The following GALNT9 variants were observed in gnomAD, a reference collection of about 807,000 sequenced individuals.
GALNT9 encodes the protein GalNAc transferase 9.
Under a neutral mutation model 63.1 loss-of-function variants are expected in GALNT9, and 47 were observed. That is an observed-to-expected ratio of 0.75 (90% CI 0.59 to 0.95). The LOEUF is 0.95. Ranked by LOEUF, GALNT9 falls within the 40% of genes least tolerant of loss-of-function variation. GALNT9 has a pLI of 0.00. For missense variants in GALNT9, 829 were observed against 874.8 expected (o/e 0.95, Z 0.66); for synonymous variants, 396 against 365.7 (o/e 1.08, Z -0.94).
chr12:132,307,656 A>G (rs567043247), intron 1 of GALNT9, among the ~76,000 whole-genome samples: 1 of 138,446 alleles, frequency 7.2e-6, no homozygotes, highest in South Asian at 2.5e-4. Flanking sequence ...ACATGATGAA[A>G]CCTCATCTCT....
intron 9 of GALNT9, 133 bp from the exon 10 acceptor site, chr12:132,198,092 G>A (rs1335433911): frequency 1.4e-6 from 1 of 728,850 alleles, no homozygotes; most frequent in African/African-American, 1.8e-5. Flanking sequence ...CCCACCCCGG[G>A]GACGCTGTTG....
rs531093591 is a variant in GALNT9, at chr12:132,295,947, C to T, written c.239-9517G>A. On this transcript the variant is annotated intron_variant, in intron 1 of 10. Coordinates refer to ENST00000328957, the MANE Select transcript of GALNT9 (RefSeq NM_001122636.2). ...ACGGCCTCCGAACAGGGACGGCCTC[C>T]GAACAGGGACGGCCTCCGGAACAGG... is the stretch of plus-strand genomic sequence containing the variant. Among the ~76,000 whole-genome samples, 50 of 125,202 alleles carry T rather than the reference C, an allele frequency of 4.0e-4. 1 individual carries two copies. In the South Asian group the frequency reaches 8.6e-3, roughly 21 times the overall value. 82.1% of individuals were successfully genotyped at this position (125,202 alleles called of 152,430 possible). A position where few individuals can be genotyped will look rare whatever the true frequency, so the allele number is the denominator to read the frequency against.
chr12:132,219,820 C>G (rs112345411), intron 6 of GALNT9, among the ~76,000 whole-genome samples: 1 of 137,806 alleles, frequency 7.3e-6, no homozygotes, highest in Non-Finnish European at 1.6e-5. Flanking sequence ...GACACCCGCC[C>G]GGGTAAGGGG....
rs868986526 is a variant in GALNT9 at position 132,327,076 on chromosome 12, G to T, written c.238+1890C>A. On this transcript the variant is annotated intron_variant, in intron 1 of 10. Transcript: ENST00000328957. The surrounding 1 kb of genome is among the most constrained non-coding windows in gnomAD (Gnocchi z 4.3). ...CTCATCACAGAGGGGGACGAAACTCGGCCTCATCAAAAGGTTGAGGGCAAA... is the reference window on the plus strand; with the variant it reads ...CTCATCACAGAGGGGGACGAAACTCTGCCTCATCAAAAGGTTGAGGGCAAA... Among the ~76,000 whole-genome samples the T allele has an allele frequency of 2.0e-5, 3 of 152,238 alleles. No homozygotes were observed. The highest frequency in any genetic ancestry group is 7.2e-5 in the African/African-American group (3 of 41,546).
At chr12:132,219,441 T>G (rs916555372) in intron 6 of GALNT9, among the ~76,000 whole-genome samples, 1 of 152,056 alleles carries the variant, frequency 6.6e-6, no homozygotes, top group Non-Finnish European at 1.5e-5. Context: ...ATGGAAGCCA[T>G]GAGGCTCTGG....
intron 1 of GALNT9, among the ~76,000 whole-genome samples, chr12:132,326,745 T>C (rs1383607755): frequency 6.6e-6 from 1 of 152,194 alleles, no homozygotes; most frequent in Admixed American, 6.5e-5. Context: ...GGAATCAATT[T>C]TGCATCCTGG....
rs191066329 is a variant in GALNT9 at position 132,243,340 on chromosome 12, G to T, written c.1077+4570C>A. On this transcript the variant is annotated intron_variant, in intron 6 of 10. Coordinates refer to ENST00000328957, the MANE Select transcript of GALNT9 (RefSeq NM_001122636.2). ...CACACACCACACACCCTTCCCGGGG[G>T]GCCATCAGGGCCCCCAGTGGCCTCA... Among the ~76,000 whole-genome samples, 683 of 89,730 alleles carry T rather than the reference G, an allele frequency of 7.6e-3. 76 individuals are homozygous for T. Among genetic ancestry groups the T allele is most frequent in the Middle Eastern group, 0.023 (3 of 128 alleles). The allele number at this position is 89,730 out of a possible 152,430, so 58.9% of individuals were successfully genotyped here. A position where few individuals can be genotyped will look rare whatever the true frequency, so the allele number is the denominator to read the frequency against.
At chr12:132,251,074 G>A (rs1011360602) in intron 5 of GALNT9, among the ~76,000 whole-genome samples, 2 of 152,174 alleles carry the variant, frequency 1.3e-5, no homozygotes, top group Non-Finnish European at 1.5e-5. Flanking sequence ...CGAGAATAAC[G>A]CACACTGAAA....
intron 6 of GALNT9, among the ~76,000 whole-genome samples, chr12:132,235,570 T>C (rs1259788435): frequency 6.6e-6 from 1 of 152,038 alleles, no homozygotes; most frequent in Non-Finnish European, 1.5e-5. Context: ...GTGGTCAGCA[T>C]GGAGTTGGGG....
intron 1 of GALNT9, among the ~76,000 whole-genome samples, chr12:132,297,483 C>G (rs1324484306): frequency 6.6e-6 from 1 of 151,902 alleles, no homozygotes; most frequent in East Asian, 1.9e-4. Flanking sequence ...CAAGTCACTC[C>G]TGAGATGACT....
chr12:132,203,607 G>C lies in GALNT9; in HGVS notation c.1161C>G (p.Asn387Lys), dbSNP rs143941649. Residue 387 changes from asparagine (N) to lysine (K), a missense_variant, in exon 7 of 11, where the codon AAC becomes AAG. By Grantham distance (94) the Asn-to-Lys change is moderately conservative. Transcript: ENST00000328957. ...HIERTRKPYN[N>K]DIDYYAKRNA... ...TGCGCTTGGCATAGTAGTCAATGTC[G>C]TTGTTGTAGGGCTTCCTGGTGCGCT... 9.3e-6 allele frequency: 15 copies of C among 1,613,816 alleles called. No homozygotes were observed. The African/African-American group carries it at 1.5e-4, about 16-fold the overall frequency.
At chr12:132,290,643 A>G (rs868960100) in intron 1 of GALNT9, among the ~76,000 whole-genome samples, 9 of 122,974 alleles carry the variant, frequency 7.3e-5, no homozygotes, top group South Asian at 2.9e-4. Flanking sequence ...CGTCCACACC[A>G]CCCACATCCA....
chr12:132,228,538 C>G (rs921561922), intron 6 of GALNT9, among the ~76,000 whole-genome samples: 13 of 151,372 alleles, frequency 8.6e-5, no homozygotes, highest in Non-Finnish European at 1.9e-4. Flanking sequence ...TTGCCTCTGG[C>G]GAGACAGGGC....
intron 7 of GALNT9, 66 bp from the exon 8 acceptor site, chr12:132,201,327 G>GA: frequency 8.9e-7 from 1 of 1,119,224 alleles, no homozygotes; most frequent in Non-Finnish European, 1.3e-6. Context: ...TCCCCATAAT[G>GA]AGGTTGGGGG....
At chr12:132,211,092 A>G (rs967905409) in intron 6 of GALNT9, among the ~76,000 whole-genome samples, 10 of 152,078 alleles carry the variant, frequency 6.6e-5, no homozygotes, top group Admixed American at 2.0e-4. Flanking sequence ...CACGTCACAC[A>G]ACCAACGCTT....
chr12:132,300,183 TAACCTG>T (rs1881239726), intron 1 of GALNT9, among the ~76,000 whole-genome samples: 1 of 146,184 alleles, frequency 6.8e-6, no homozygotes, highest in Non-Finnish European at 1.5e-5. Context: ...CTCCCATAAC[TAACCTG>T]CTCCCACCAC....
intron 2 of GALNT9, among the ~76,000 whole-genome samples, chr12:132,264,293 C>T (rs1388227773): frequency 6.6e-6 from 1 of 152,238 alleles, no homozygotes; most frequent in African/African-American, 2.4e-5. Context: ...GTGTGAGGAG[C>T]CCAGGAGCGA....
intron 2 of GALNT9, among the ~76,000 whole-genome samples, chr12:132,266,684 C>T (rs994185953): frequency 6.6e-6 from 1 of 152,246 alleles, no homozygotes; most frequent in Admixed American, 6.5e-5. Flanking sequence ...ACAGTGCATT[C>T]ACATTGTTGG....
intron 1 of GALNT9, among the ~76,000 whole-genome samples, chr12:132,291,872 C>T (rs1880872732): frequency 6.6e-6 from 1 of 152,204 alleles, no homozygotes; most frequent in Non-Finnish European, 1.5e-5. Context: ...AGAGCCGCTC[C>T]CCTGCTGGGA....
Sources: allele counts gnomAD v4.1 joint callset (sites outside exome capture counted in the v4.1 genomes callset), GRCh38; gene constraint gnomAD v4.1.1; non-coding constraint Gnocchi (gnomAD v3.1); transcripts MANE v1.5; gene names NCBI Gene and HGNC (gene_info 2026-07-23, HGNC 2026-07-21).